The following GNG4 variants were observed in gnomAD, a reference collection of about 807,000 sequenced individuals.
GNG4 encodes G protein subunit gamma 4.
In GNG4, 4 loss-of-function variants were observed where a neutral mutation model predicts 5.8. The ratio of observed to expected loss-of-function variants is 0.69; its 90% confidence interval spans 0.34 to 1.57. GNG4 has a LOEUF of 1.57. GNG4 is among the 40% of genes most tolerant of loss of function. GNG4 has a pLI of 0.06. For synonymous variants in GNG4, 29 were observed against 32.9 expected (o/e 0.88, Z 0.41); for missense variants, 96 against 95.1 (o/e 1.01, Z -0.04).
chr1:235,574,982 A>G (rs538524029), intron 3 of GNG4, among the ~76,000 whole-genome samples: 26 of 151,796 alleles, frequency 1.7e-4, no homozygotes, highest in African/African-American at 6.3e-4. Context: ...ACACCACCAC[A>G]CCCAGCTAAT....
intron 1 of GNG4, among the ~76,000 whole-genome samples, chr1:235,627,235 T>C (rs886571074): frequency 6.6e-6 from 1 of 151,924 alleles, no homozygotes; most frequent in African/African-American, 2.4e-5. Flanking sequence ...TTGTTTTTGT[T>C]TTTTTGAGAC....
chr1:235,606,509 G>T (rs1036649160), intron 1 of GNG4, among the ~76,000 whole-genome samples: 2 of 152,170 alleles, frequency 1.3e-5, no homozygotes, highest in Non-Finnish European at 2.9e-5. Context: ...TTAGGATCTG[G>T]ATGCTGGGGA....
At chr1:235,590,238 T>C (rs898273060) in intron 2 of GNG4, among the ~76,000 whole-genome samples, 38 of 152,052 alleles carry the variant, frequency 2.5e-4, no homozygotes, top group Non-Finnish European at 5.6e-4. Context: ...GTGGATCACC[T>C]GAGGTTAGGA....
chr1:235,597,565 TG>T (rs68030403), intron 1 of GNG4, among the ~76,000 whole-genome samples: 58,952 of 138,232 alleles, frequency 0.43, 13,939 homozygotes, highest in Non-Finnish European at 0.49. Context: ...TGTTTTAGTT[TG>T]TTTTTTTTTT....
At chr1:235,612,370 C>T (rs1688497901) in intron 1 of GNG4, among the ~76,000 whole-genome samples, 1 of 152,094 alleles carries the variant, frequency 6.6e-6, no homozygotes. Flanking sequence ...TATCTTAGCC[C>T]CATGTGATGG....
rs768550568 is a variant in GNG4, at chr1:235,552,078, A to G, written c.*31T>C. On this transcript the variant is annotated 3_prime_UTR_variant, in exon 4 of 4. Coordinates refer to ENST00000391854, the MANE Select transcript of GNG4 (RefSeq NM_001098722.2). ...GTCTCTACAGGGGACTTTGAAGGTC[A>G]GAAAAGGAGGCGTTTTCATCACACA... The G allele has an allele frequency of 1.9e-6, 3 of 1,610,614 alleles. No individual in the cohort carries two copies. The highest frequency in any genetic ancestry group is 2.5e-6 in the Non-Finnish European group (3 of 1,177,250).
At chr1:235,629,838 C>T (rs772267990) in intron 1 of GNG4, among the ~76,000 whole-genome samples, 4 of 152,048 alleles carry the variant, frequency 2.6e-5, no homozygotes, top group South Asian at 2.1e-4. Flanking sequence ...ATAATCTGCC[C>T]GCCTCAGCCT....
At chr1:235,616,905 A>ATTTTT (rs553175038) in intron 1 of GNG4, among the ~76,000 whole-genome samples, 1,342 of 115,728 alleles carry the variant, frequency 0.012, 46 homozygotes, top group African/African-American at 0.035. Flanking sequence ...CACCTGGCTA[A>ATTTTT]TTTTTTTTTT....
At chr1:235,631,481 C>T (rs1420803800) in intron 1 of GNG4, among the ~76,000 whole-genome samples, 3 of 152,252 alleles carry the variant, frequency 2.0e-5, no homozygotes, top group African/African-American at 7.2e-5. Flanking sequence ...CATTGATGCT[C>T]TGAGCGGAGG....
At chr1:235,623,524 A>C (rs995519404) in intron 1 of GNG4, among the ~76,000 whole-genome samples, 3 of 152,146 alleles carry the variant, frequency 2.0e-5, no homozygotes, top group Non-Finnish European at 4.4e-5. Context: ...ATATTTTTCC[A>C]GCGTTTTTGC....
At chr1:235,612,380 G>A (rs1688498118) in intron 1 of GNG4, among the ~76,000 whole-genome samples, 1 of 152,164 alleles carries the variant, frequency 6.6e-6, no homozygotes, top group Non-Finnish European at 1.5e-5. Flanking sequence ...CCATGTGATG[G>A]TCATGGTGCA....
chr1:235,578,483 T>C (rs909790931), intron 3 of GNG4, among the ~76,000 whole-genome samples: 1 of 152,208 alleles, frequency 6.6e-6, no homozygotes, highest in Non-Finnish European at 1.5e-5. Context: ...TCTGTGTTCA[T>C]TGCAGCATTA....
chr1:235,600,404 G>A (rs1040254954), intron 1 of GNG4, among the ~76,000 whole-genome samples: 8 of 146,612 alleles, frequency 5.5e-5, no homozygotes, highest in Admixed American at 1.4e-4. Flanking sequence ...CGTGAGCCAT[G>A]GCGCCTGGCT....
chr1:235,569,845 T>A (rs930516237), intron 3 of GNG4, among the ~76,000 whole-genome samples: 98 of 152,194 alleles, frequency 6.4e-4, no homozygotes, highest in African/African-American at 2.3e-3. Flanking sequence ...GGATAACAGG[T>A]GCGAGCCACT....
At chr1:235,576,833 G>A (rs1273919830) in intron 3 of GNG4, among the ~76,000 whole-genome samples, 2 of 152,146 alleles carry the variant, frequency 1.3e-5, no homozygotes, top group Non-Finnish European at 1.5e-5. Context: ...GCTTTGTGGT[G>A]TAATGCCTCA....
intron 1 of GNG4, among the ~76,000 whole-genome samples, chr1:235,620,662 T>C (rs1398067916): frequency 6.6e-6 from 1 of 151,990 alleles, no homozygotes; most frequent in Non-Finnish European, 1.5e-5. Flanking sequence ...CAGCCTCCCA[T>C]GTAGCTGGGA....
intron 1 of GNG4, among the ~76,000 whole-genome samples, chr1:235,647,932 G>A (rs1657552349): frequency 6.6e-6 from 1 of 152,118 alleles, no homozygotes; most frequent in South Asian, 2.1e-4. Context: ...CCCACCTGAT[G>A]TTCTATCATT....
chr1:235,644,312 A>C lies in GNG4; in HGVS notation c.-123+5350T>G, dbSNP rs1657439647. On this transcript the variant is annotated intron_variant, in intron 1 of 3. Coordinates refer to ENST00000391854, the MANE Select transcript of GNG4 (RefSeq NM_001098722.2). The surrounding 1 kb of genome is among the most constrained non-coding windows in gnomAD (Gnocchi z 5.9). ...CAGAGAGAATTCAGTGGCCGGCAAC[A>C]CTGCCAGTTCCCCTTTATTTCCCTT... Among the ~76,000 whole-genome samples the C allele has an allele frequency of 6.6e-6, 1 of 152,094 alleles. No individual in the cohort carries two copies. The highest frequency in any genetic ancestry group is 1.5e-5 in the Non-Finnish European group (1 of 67,998).
chr1:235,593,908 G>C (rs2774322), intron 2 of GNG4, among the ~76,000 whole-genome samples: 56,557 of 151,960 alleles, frequency 0.37, 11,328 homozygotes, highest in East Asian at 0.79. Flanking sequence ...AACAAAGCCT[G>C]CACAGCGTGC....
Sources: allele counts gnomAD v4.1 joint callset (sites outside exome capture counted in the v4.1 genomes callset), GRCh38; gene constraint gnomAD v4.1.1; non-coding constraint Gnocchi (gnomAD v3.1); transcripts MANE v1.5; gene names NCBI Gene and HGNC (gene_info 2026-07-23, HGNC 2026-07-21).